TOX4: variants seen among roughly 807,000 people sequenced by gnomAD.
TOX4 encodes the protein epidermal Langerhans cell protein LCP1.
Under a neutral mutation model 61.0 loss-of-function variants are expected in TOX4, and 12 were observed. That is an observed-to-expected ratio of 0.20 (90% CI 0.13 to 0.32). The LOEUF (loss-of-function observed/expected upper bound fraction) is 0.32, where lower values mean the gene tolerates loss of function less well. Ranked by LOEUF, TOX4 falls within the 10% of genes least tolerant of loss-of-function variation. The probability of loss-of-function intolerance (pLI) is 1.00; values close to 1 mark genes in which losing one functional copy is unlikely to be tolerated. For synonymous variants in TOX4, 268 were observed against 274.8 expected, an observed-to-expected ratio of 0.98 and a Z score of 0.24; for missense variants, 499 against 753.3, an observed-to-expected ratio of 0.66 and a Z score of 3.95.
rs748943860 is a variant in TOX4, at chr14:21,477,555, A to G, written c.66A>G (p.Ser22=). The part of the protein sequence containing the change: ...TITGPSHPFL[S]GAETFHTPSL... ...CAGGGCCTTCGCACCCCTTCCTGTC[A>G]GGGGCCGAGGTGAGCCAGAGCTGCC... Residue 22 remains serine, a synonymous_variant, in exon 2 of 9, where the codon TCA becomes TCG. Coordinates refer to ENST00000448790, the MANE Select transcript of TOX4 (RefSeq NM_014828.4). 2.7e-5 allele frequency: 43 copies of G among 1,613,542 alleles called. No individual in the cohort carries two copies. The highest frequency in any genetic ancestry group is 3.4e-5 in the Non-Finnish European group (40 of 1,180,024).
At chr14:21,490,671 A>G (rs898648511) in intron 5 of TOX4, among the ~76,000 whole-genome samples, 3 of 152,178 alleles carry the variant, frequency 2.0e-5, no homozygotes, top group African/African-American at 7.2e-5. Flanking sequence ...AATGTCTCCT[A>G]TAATTCCTCA....
intron 2 of TOX4, 45 bp from the exon 3 acceptor site, chr14:21,487,406 T>C (rs1374598222): frequency 1.3e-6 from 2 of 1,597,398 alleles, no homozygotes; most frequent in Non-Finnish European, 1.7e-6. Flanking sequence ...AGTATGCCAT[T>C]TCTCCTCTTT....
Position 21,492,900 on chromosome 14 carries a change from A to AGCT in TOX4, c.1300_1302dup (p.Ala434dup), listed in dbSNP as rs111748520. 362 of 1,605,294 alleles carry AGCT rather than the reference A, an allele frequency of 2.3e-4. 1 individual carries two copies. The African/African-American group carries it at 3.7e-3, about 16-fold the overall frequency. The stretch of plus-strand genomic sequence containing the variant: ...CTCGGTCAGTGTTGCAGGCAGCAGC[A>AGCT]GCTGCTGCTGCTGCTGCTTCTATGC... On this transcript the variant is annotated inframe_insertion, in exon 7 of 9. Transcript: ENST00000448790.
At chr14:21,480,897 C>G (rs1177167361) in intron 2 of TOX4, among the ~76,000 whole-genome samples, 2 of 152,112 alleles carry the variant, frequency 1.3e-5, no homozygotes, top group African/African-American at 4.8e-5. Context: ...TCAAGACCAG[C>G]CTGAGCAACA....
rs143743667 is a variant in TOX4, at chr14:21,492,307, G to A, written c.822G>A (p.Arg274=). 1.8e-4 allele frequency: 293 copies of A among 1,613,388 alleles called. 2 individuals carry two copies. In the African/African-American group the frequency reaches 3.5e-3, roughly 19 times the overall value. ...LGEEQKQVYK[R]KTEAAKKEYL... ...TCTCTTTTTTGCAGGTATATAAGAG[G>A]AAAACTGAGGCTGCCAAGAAAGAGT... The change falls in exon 6 of 9, where the codon AGG becomes AGA. Residue 274 remains arginine (R), a synonymous_variant. Transcript: ENST00000448790.
chr14:21,495,488 C>A (rs1594433477), intron 8 of TOX4, 96 bp downstream of exon 8: 1 of 1,445,216 alleles, frequency 6.9e-7, no homozygotes, highest in East Asian at 2.3e-5. Context: ...CTCAGTGTCA[C>A]CTTACCTTAG....
intron 4 of TOX4, 42 bp from the exon 5 acceptor site, chr14:21,489,131 T>C: frequency 6.3e-7 from 1 of 1,583,352 alleles, no homozygotes; most frequent in Non-Finnish European, 8.6e-7. Context: ...ATAATACTTG[T>C]CATTGTCCAT....
chr14:21,484,140 A>C (rs1324526968), intron 2 of TOX4, among the ~76,000 whole-genome samples: 1 of 152,092 alleles, frequency 6.6e-6, no homozygotes, highest in Non-Finnish European at 1.5e-5. Flanking sequence ...TCCGTGTGCT[A>C]CTTATATCTC....
chr14:21,494,737 G>A (rs1423730611), intron 7 of TOX4, among the ~76,000 whole-genome samples: 3 of 129,138 alleles, frequency 2.3e-5, no homozygotes, highest in South Asian at 2.5e-4. Context: ...GAGACAGAGA[G>A]AGACTCCGTC....
rs1438231206 is a variant in TOX4, at chr14:21,496,913, T to C, written c.*307T>C. 5 of 309,088 alleles carry C rather than the reference T, an allele frequency of 1.6e-5. No homozygotes were observed. Among genetic ancestry groups the C allele is most frequent in the Non-Finnish European group, 3.1e-5 (5 of 163,760 alleles). 19.1% of individuals were successfully genotyped at this position (309,088 alleles called of 1,614,324 possible). On this transcript the variant is annotated 3_prime_UTR_variant, in exon 9 of 9. Coordinates refer to ENST00000448790, the MANE Select transcript of TOX4 (RefSeq NM_014828.4). ...TGGTGGGGTTGAAGAAACTTGTTGG[T>C]ATAATTGTCATAGGACTTGCCTAAA...
chr14:21,481,693 T>A (rs1891109621), intron 2 of TOX4, among the ~76,000 whole-genome samples: 1 of 152,140 alleles, frequency 6.6e-6, no homozygotes, highest in Admixed American at 6.6e-5. Flanking sequence ...AAACAACTCA[T>A]GTCTATCAAC....
At position 21,492,915 on chromosome 14, in the gene TOX4, TG is replaced by T; in HGVS notation, c.1300del (p.Ala434LeufsTer68). The T allele has an allele frequency of 6.2e-7, 1 of 1,608,172 alleles. No individual in the cohort carries two copies. The highest frequency in any genetic ancestry group is 8.5e-7 in the Non-Finnish European group (1 of 1,178,582). ...LQAAAAAAAA[A>X]SMQLPPPRLQ... Reference sequence around the variant, plus strand: ...AGGCAGCAGCAGCTGCTGCTGCTGCTGCTTCTATGCAACTGCCTCCACCCCG... The same window carrying T: ...AGGCAGCAGCAGCTGCTGCTGCTGCTCTTCTATGCAACTGCCTCCACCCCG... On this transcript the variant is annotated frameshift_variant, in exon 7 of 9. Coordinates refer to ENST00000448790, the MANE Select transcript of TOX4 (RefSeq NM_014828.4). LOFTEE classifies it high-confidence loss of function.
At chr14:21,496,517 C>CTGTT (rs765077722) in intron 8 of TOX4, 29 bp from the exon 9 acceptor site, 32 of 1,590,416 alleles carry the variant, frequency 2.0e-5, no homozygotes, top group South Asian at 4.5e-5. Context: ...GTGTATAATT[C>CTGTT]TGTTTGTGTA....
chr14:21,477,733 G>T, intron 2 of TOX4, 169 bp downstream of exon 2: 1 of 659,332 alleles, frequency 1.5e-6, no homozygotes. Context: ...ACTATCTGGG[G>T]AAGTCTTGGG....
chr14:21,484,877 T>G (rs1891171190), intron 2 of TOX4, among the ~76,000 whole-genome samples: 1 of 105,956 alleles, frequency 9.4e-6, no homozygotes, highest in African/African-American at 3.6e-5. Flanking sequence ...CAGGCTGGTC[T>G]CGAACTCCTG....
chr14:21,493,694 C>T (rs546961340), intron 7 of TOX4, among the ~76,000 whole-genome samples: 2 of 152,308 alleles, frequency 1.3e-5, no homozygotes, highest in South Asian at 4.1e-4. Flanking sequence ...CTGCCTCGGC[C>T]TCCCAAAGTG....
In TOX4 at chr14:21,499,158, GC is replaced by G. The variant is rs776422186; in HGVS notation, c.*2553del. ...CGAACCTAGGAAATAAAAACTAGCT[GC>G]TTTTTAAGTTACACAAGATTGCAAT... On this transcript the variant is annotated 3_prime_UTR_variant, in exon 9 of 9. Transcript: ENST00000448790. 1 of 1,598,042 alleles carries G rather than the reference GC, an allele frequency of 6.3e-7. No individual in the cohort carries two copies. Among genetic ancestry groups the G allele is most frequent in the Non-Finnish European group, 8.6e-7 (1 of 1,165,530 alleles).
intron 2 of TOX4, among the ~76,000 whole-genome samples, chr14:21,483,895 A>G (rs963829416): frequency 7.3e-5 from 11 of 151,216 alleles, no homozygotes; most frequent in East Asian, 2.0e-4. Flanking sequence ...GCAGCCTTCA[A>G]CTCCTGGGTT....
Position 21,493,252 on chromosome 14 carries a change from C to T in TOX4, c.1636C>T (p.Pro546Ser). Residue 546 changes from proline to serine, a missense_variant, in exon 7 of 9, where the codon CCT becomes TCT. Around this residue, in one of 7 missense-constraint regions of TOX4, gnomAD observed 296 missense variants for 404.7 expected, o/e 0.73. Transcript: ENST00000448790. ...TICEMITDVV[P>S]EVESPSQMDV... ...CTGTGAGATGATCACAGATGTAGTT[C>T]CTGAGGTGAGCCTTTGTTTTTAAGT... 6.2e-7 allele frequency: 1 copy of T among 1,602,148 alleles called. No individual in the cohort carries two copies. Among genetic ancestry groups the T allele is most frequent in the Admixed American group, 1.7e-5 (1 of 57,166 alleles).
Sources: gnomAD v4.1 joint callset for allele counts (sites outside exome capture counted in the v4.1 genomes callset) on GRCh38, gnomAD v4.1.1 for gene constraint, gnomAD v4.1.1 regional missense constraint, MANE v1.5 for transcripts, NCBI Gene and HGNC (gene_info 2026-07-23, HGNC 2026-07-21) for gene names.